The following TXNDC16 variants were observed in gnomAD, a reference collection of about 807,000 sequenced individuals.
TXNDC16 encodes the protein thioredoxin domain-containing protein 16.
In TXNDC16, 74 loss-of-function variants were observed where a neutral mutation model predicts 85.6. The observed-to-expected ratio is 0.86, with a 90% CI of 0.72 to 1.05. The LOEUF (loss-of-function observed/expected upper bound fraction) is 1.05, where lower values mean the gene tolerates loss of function less well. Ranked by LOEUF, TXNDC16 falls within the 50% of genes least tolerant of loss-of-function variation. The pLI, the probability that TXNDC16 is intolerant of heterozygous loss-of-function variation, is 0.00. For missense variants in TXNDC16, 959 were observed against 947.0 expected, an observed-to-expected ratio of 1.01 and a Z score of -0.17; for synonymous variants, 335 against 326.5, an observed-to-expected ratio of 1.03 and a Z score of -0.28.
At chr14:52,433,606 C>G (rs1287552473) in intron 20 of TXNDC16, among the ~76,000 whole-genome samples, 2 of 152,082 alleles carry the variant, frequency 1.3e-5, no homozygotes, top group African/African-American at 2.4e-5. Context: ...AAAGCTCAAA[C>G]AAAAATCTGT....
At chr14:52,449,318 A>C (rs2035355742) in intron 18 of TXNDC16, among the ~76,000 whole-genome samples, 1 of 152,164 alleles carries the variant, frequency 6.6e-6, no homozygotes, top group African/African-American at 2.4e-5. Context: ...CAGACAAAAT[A>C]GATTTCAAGA....
intron 12 of TXNDC16, among the ~76,000 whole-genome samples, chr14:52,485,642 C>G (rs776430163): frequency 3.9e-5 from 6 of 152,072 alleles, no homozygotes; most frequent in Non-Finnish European, 7.4e-5. Flanking sequence ...TGTGTTTACA[C>G]GTTTAGATAC....
intron 8 of TXNDC16, among the ~76,000 whole-genome samples, chr14:52,512,805 A>G (rs2036987999): frequency 6.6e-6 from 1 of 152,188 alleles, no homozygotes; most frequent in Admixed American, 6.5e-5. Flanking sequence ...TTGCCATATT[A>G]ACACTTTTCA....
intron 18 of TXNDC16, among the ~76,000 whole-genome samples, chr14:52,452,648 C>T (rs777856208): frequency 1.3e-5 from 2 of 152,104 alleles, no homozygotes; most frequent in African/African-American, 2.4e-5. Flanking sequence ...TGAAACTAGG[C>T]CCCTATCTCT....
In TXNDC16 at chr14:52,432,269, G is replaced by A; in HGVS notation, c.*35C>T. ...TAAGGAAATAAATTAAGTCTATCATGCCAAAAAAATTTTGGAAACCACAGC... is the reference window on the plus strand; with the variant it reads ...TAAGGAAATAAATTAAGTCTATCATACCAAAAAAATTTTGGAAACCACAGC... On this transcript the variant is annotated 3_prime_UTR_variant, in exon 21 of 21. Coordinates refer to ENST00000281741, the MANE Select transcript of TXNDC16 (RefSeq NM_020784.3). 1.3e-6 allele frequency: 2 copies of A among 1,541,914 alleles called. No homozygotes were observed. Among genetic ancestry groups the A allele is most frequent in the Non-Finnish European group, 1.7e-6 (2 of 1,149,028 alleles).
chr14:52,542,254 T>A, intron 4 of TXNDC16, 117 bp downstream of exon 4: 1 of 687,526 alleles, frequency 1.5e-6, no homozygotes, highest in Non-Finnish European at 2.4e-6. Context: ...ATGAAAAAAA[T>A]ATATTTCCAG....
At chr14:52,528,743 T>G (rs953961807) in intron 6 of TXNDC16, among the ~76,000 whole-genome samples, 1 of 149,724 alleles carries the variant, frequency 6.7e-6, no homozygotes, top group Non-Finnish European at 1.5e-5. Context: ...CATTTTTCAA[T>G]TTATAATAAA....
intron 20 of TXNDC16, among the ~76,000 whole-genome samples, chr14:52,435,696 C>G (rs1054181768): frequency 6.6e-6 from 1 of 152,138 alleles, no homozygotes; most frequent in Non-Finnish European, 1.5e-5. Context: ...TGCAGTGGCT[C>G]ATGCCTGTAA....
At chr14:52,439,490 A>AT in intron 19 of TXNDC16, 96 bp from the exon 20 acceptor site, 1 of 1,088,574 alleles carries the variant, frequency 9.2e-7, no homozygotes, top group Non-Finnish European at 1.3e-6. Context: ...AAGTAGTATC[A>AT]TGCCAGTAAG....
At chr14:52,529,930 TATTA>T (rs2037456729) in intron 6 of TXNDC16, among the ~76,000 whole-genome samples, 1 of 107,412 alleles carries the variant, frequency 9.3e-6, no homozygotes, top group Non-Finnish European at 1.7e-5. Context: ...ACATTATATA[TATTA>T]TATATATGAA....
chr14:52,437,763 A>G (rs10139384), intron 20 of TXNDC16, among the ~76,000 whole-genome samples: 5,166 of 152,332 alleles, frequency 0.034, 261 homozygotes, highest in African/African-American at 0.12. Flanking sequence ...AAAGATCTGA[A>G]TAGACACTTC....
chr14:52,544,605 G>A (rs1397732885), intron 1 of TXNDC16, among the ~76,000 whole-genome samples: 1 of 151,776 alleles, frequency 6.6e-6, no homozygotes, highest in Non-Finnish European at 1.5e-5. Context: ...TAAAGAATTT[G>A]AAATGTATGA....
chr14:52,436,600 T>G (rs941963303), intron 20 of TXNDC16, among the ~76,000 whole-genome samples: 1 of 152,200 alleles, frequency 6.6e-6, no homozygotes, highest in Non-Finnish European at 1.5e-5. Context: ...ATACCATCCA[T>G]ATTTTATTTA....
At chr14:52,452,730 C>A (rs748800994) in intron 18 of TXNDC16, among the ~76,000 whole-genome samples, 15 of 151,992 alleles carry the variant, frequency 9.9e-5, no homozygotes, top group Non-Finnish European at 1.5e-4. Context: ...GAAACTACTA[C>A]AAGAAAACAC....
At chr14:52,432,679 T>C in intron 20 of TXNDC16, 92 bp from the exon 21 acceptor site, 3 of 1,226,650 alleles carry the variant, frequency 2.4e-6, no homozygotes, top group Non-Finnish European at 2.2e-6. Flanking sequence ...AAAAATATAT[T>C]TGTAGAAGTG....
intron 16 of TXNDC16, among the ~76,000 whole-genome samples, chr14:52,464,468 C>T (rs922832908): frequency 6.6e-6 from 1 of 152,020 alleles, no homozygotes; most frequent in African/African-American, 2.4e-5. Context: ...TGGAAGGAGG[C>T]CTAGTGTGAA....
At chr14:52,483,715 C>A (rs564890677) in intron 12 of TXNDC16, among the ~76,000 whole-genome samples, 1 of 152,288 alleles carries the variant, frequency 6.6e-6, no homozygotes, top group East Asian at 1.9e-4. Flanking sequence ...ATATGTGAAA[C>A]CCTTCCTTTA....
chr14:52,465,436 CAA>C (rs1219810150), intron 16 of TXNDC16, among the ~76,000 whole-genome samples: 1 of 151,950 alleles, frequency 6.6e-6, no homozygotes, highest in Non-Finnish European at 1.5e-5. Flanking sequence ...ACTAAAAATA[CAA>C]AGAGTCAGCC....
At chr14:52,483,593 A>G (rs1372352437) in intron 12 of TXNDC16, among the ~76,000 whole-genome samples, 1 of 152,224 alleles carries the variant, frequency 6.6e-6, no homozygotes, top group East Asian at 1.9e-4. Context: ...GGCTGAAAGA[A>G]TAAACAGCAT....
Sources: allele counts gnomAD v4.1 joint callset (sites outside exome capture counted in the v4.1 genomes callset), GRCh38; gene constraint gnomAD v4.1.1; transcripts MANE v1.5; gene names NCBI Gene and HGNC (gene_info 2026-07-23, HGNC 2026-07-21).